PDGFC: variants seen among roughly 807,000 people sequenced by gnomAD.
The protein encoded by PDGFC is platelet derived growth factor C, also known as platelet-derived growth factor C.
Under a neutral mutation model 35.5 loss-of-function variants are expected in PDGFC, and 12 were observed. The observed-to-expected ratio is 0.34, with a 90% CI of 0.22 to 0.55. PDGFC has a LOEUF of 0.55. Ranked by LOEUF, PDGFC falls within the 20% of genes least tolerant of loss-of-function variation. PDGFC has a pLI of 0.91. For missense variants in PDGFC, 322 were observed against 412.4 expected, an observed-to-expected ratio of 0.78 and a Z score of 1.90; for synonymous variants, 159 against 148.8, an observed-to-expected ratio of 1.07 and a Z score of -0.50.
intron 2 of PDGFC, among the ~76,000 whole-genome samples, chr4:156,828,635 T>C (rs1483650600): frequency 6.6e-6 from 1 of 152,184 alleles, no homozygotes. Context: ...TGTGTGTGTA[T>C]ATATATGCAT....
chr4:156,887,616 A>G (rs1035912956), intron 1 of PDGFC, among the ~76,000 whole-genome samples: 1 of 152,206 alleles, frequency 6.6e-6, no homozygotes. Context: ...TTTTTATTCA[A>G]TATTAAACTA....
intron 3 of PDGFC, among the ~76,000 whole-genome samples, chr4:156,806,364 GA>G (rs1487252118): frequency 2.0e-5 from 3 of 151,868 alleles, no homozygotes; most frequent in Non-Finnish European, 2.9e-5. Flanking sequence ...TCATTAAATG[GA>G]AAAAAGTAAA....
chr4:156,911,837 C>T (rs1258159007), intron 1 of PDGFC, among the ~76,000 whole-genome samples: 1 of 152,116 alleles, frequency 6.6e-6, no homozygotes. Context: ...GTAATTAATG[C>T]ACATGCGTTG....
At chr4:156,804,817 G>C (rs1731716205) in intron 3 of PDGFC, among the ~76,000 whole-genome samples, 2 of 151,922 alleles carry the variant, frequency 1.3e-5, no homozygotes, top group Admixed American at 6.6e-5. Context: ...AGAGTTGTGA[G>C]GTTGCCATTT....
At chr4:156,913,705 T>C (rs1030526307) in intron 1 of PDGFC, among the ~76,000 whole-genome samples, 2 of 152,116 alleles carry the variant, frequency 1.3e-5, no homozygotes, top group African/African-American at 4.8e-5. Context: ...TTAAGTGGTG[T>C]CAGAAGTGGG....
At chr4:156,898,709 C>T (rs746428852) in intron 1 of PDGFC, among the ~76,000 whole-genome samples, 23 of 152,090 alleles carry the variant, frequency 1.5e-4, no homozygotes, top group African/African-American at 2.9e-4. Flanking sequence ...CCCAGCCTGG[C>T]GTGCACTGGC....
At chr4:156,829,661 G>A (rs1728876856) in intron 2 of PDGFC, among the ~76,000 whole-genome samples, 1 of 152,008 alleles carries the variant, frequency 6.6e-6, no homozygotes, top group Non-Finnish European at 1.5e-5. Flanking sequence ...GTTTTTGACA[G>A]TTTCAATTAT....
At chr4:156,827,032 T>C (rs13109072) in intron 2 of PDGFC, among the ~76,000 whole-genome samples, 1 of 152,196 alleles carries the variant, frequency 6.6e-6, no homozygotes, top group Non-Finnish European at 1.5e-5. Flanking sequence ...AATGAAATGG[T>C]TTCCTATAAA....
chr4:156,909,812 A>G (rs894939299), intron 1 of PDGFC, among the ~76,000 whole-genome samples: 19 of 152,170 alleles, frequency 1.2e-4, no homozygotes, highest in Non-Finnish European at 2.6e-4. Flanking sequence ...TTTGGAAATA[A>G]TGTCTTTTCA....
chr4:156,787,968 A>G (rs531568136), intron 3 of PDGFC, among the ~76,000 whole-genome samples: 31 of 152,262 alleles, frequency 2.0e-4, no homozygotes. Context: ...GGAGTAGAGA[A>G]GATAGACAAA....
intron 1 of PDGFC, among the ~76,000 whole-genome samples, chr4:156,969,994 C>G (rs1302291542): frequency 6.6e-6 from 1 of 151,990 alleles, no homozygotes; most frequent in Non-Finnish European, 1.5e-5. Context: ...AATTACACAC[C>G]CTGAAGCTGC....
intron 3 of PDGFC, among the ~76,000 whole-genome samples, chr4:156,801,104 C>T (rs995819741): frequency 1.3e-5 from 2 of 152,108 alleles, no homozygotes; most frequent in Non-Finnish European, 2.9e-5. Context: ...TTTTGGATGT[C>T]CTTCCAGACG....
At chr4:156,880,415 G>A (rs1161733035) in intron 1 of PDGFC, among the ~76,000 whole-genome samples, 1 of 151,892 alleles carries the variant, frequency 6.6e-6, no homozygotes, top group Non-Finnish European at 1.5e-5. Flanking sequence ...ATGGTTTACT[G>A]AAGATTTTAA....
At chr4:156,933,434 C>A (rs541349191) in intron 1 of PDGFC, among the ~76,000 whole-genome samples, 140 of 152,324 alleles carry the variant, frequency 9.2e-4, no homozygotes, top group Non-Finnish European at 1.9e-3. Context: ...CTGTTCACAG[C>A]TGAGGTGGAG....
At chr4:156,909,938 G>C (rs1384578632) in intron 1 of PDGFC, among the ~76,000 whole-genome samples, 1 of 152,084 alleles carries the variant, frequency 6.6e-6, no homozygotes, top group Non-Finnish European at 1.5e-5. Context: ...AGAGCCACAG[G>C]GGGAAAATCA....
At chr4:156,863,516 A>C (rs1480192054) in intron 1 of PDGFC, among the ~76,000 whole-genome samples, 6 of 152,200 alleles carry the variant, frequency 3.9e-5, no homozygotes, top group African/African-American at 1.4e-4. Context: ...AGGTAAAACA[A>C]CAAAAACAGT....
intron 1 of PDGFC, among the ~76,000 whole-genome samples, chr4:156,891,928 A>T (rs2111197011): frequency 6.6e-6 from 1 of 152,282 alleles, no homozygotes; most frequent in South Asian, 2.1e-4. Flanking sequence ...CTGGAACATA[A>T]ACCCAAACTA....
At chr4:156,968,207 G>A (rs995830680) in intron 1 of PDGFC, among the ~76,000 whole-genome samples, 10 of 152,094 alleles carry the variant, frequency 6.6e-5, no homozygotes, top group African/African-American at 1.9e-4. Context: ...TCACCATTAG[G>A]GACTTTAGAA....
intron 1 of PDGFC, among the ~76,000 whole-genome samples, chr4:156,873,304 T>G (rs910112968): frequency 6.6e-6 from 1 of 152,112 alleles, no homozygotes; most frequent in African/African-American, 2.4e-5. Flanking sequence ...AAGAACAGTT[T>G]GAGAACAGTG....
Sources: allele counts gnomAD v4.1 joint callset (sites outside exome capture counted in the v4.1 genomes callset), GRCh38; gene constraint gnomAD v4.1.1; transcripts MANE v1.5; gene names NCBI Gene and HGNC (gene_info 2026-07-23, HGNC 2026-07-21).